AGO2: variants seen among roughly 807,000 people sequenced by gnomAD.
AGO2 encodes argonaute RISC catalytic component 2.
AGO2 carries 5 observed loss-of-function variants against 102.3 expected under a neutral mutation model. That is an observed-to-expected ratio of 0.05 (90% CI 0.03 to 0.10). The LOEUF (loss-of-function observed/expected upper bound fraction) is 0.10. Among genes scored for constraint, AGO2 ranks in the 10% least tolerant of loss-of-function variants. The pLI is 1.00. For synonymous variants in AGO2, 449 were observed against 473.1 expected (o/e 0.95, Z 0.66); for missense variants, 541 against 1,183.7 (o/e 0.46, Z 7.97).
intron 1 of AGO2, among the ~76,000 whole-genome samples, chr8:140,590,398 G>A (rs571150755): frequency 2.0e-5 from 3 of 152,146 alleles, no homozygotes; most frequent in Admixed American, 6.5e-5. Context: ...GCCCAAACAC[G>A]GACGCCGAGG....
intron 1 of AGO2, among the ~76,000 whole-genome samples, chr8:140,631,787 C>G (rs567179952): frequency 6.6e-6 from 1 of 152,104 alleles, no homozygotes; most frequent in Non-Finnish European, 1.5e-5. Context: ...GCTTTAGACA[C>G]GCATATTTAA....
At position 140,544,194 on chromosome 8, in the gene AGO2, G is replaced by A. The variant is rs2072850586; in HGVS notation, c.1839+19C>T. On this transcript the variant is annotated intron_variant, in intron 14 of 18. Coordinates refer to ENST00000220592, the MANE Select transcript of AGO2 (RefSeq NM_012154.5). Reference sequence around the variant, plus strand: ...GCATGTTGTCAATGGAAGACCCATGGGGAAGCGCTGACACTCACGGCGGCA... The same window carrying A: ...GCATGTTGTCAATGGAAGACCCATGAGGAAGCGCTGACACTCACGGCGGCA... 2 of 1,569,064 alleles carry A rather than the reference G, an allele frequency of 1.3e-6. No homozygotes were observed. The highest frequency in any genetic ancestry group is 2.4e-5 in the South Asian group (2 of 84,772).
chr8:140,610,754 C>T (rs778915171), intron 1 of AGO2, among the ~76,000 whole-genome samples: 2 of 152,174 alleles, frequency 1.3e-5, no homozygotes, highest in Non-Finnish European at 2.9e-5. Flanking sequence ...GAGCCCCTGT[C>T]CTGCCCATGG....
At chr8:140,549,484 C>T (rs771396437) in intron 11 of AGO2, among the ~76,000 whole-genome samples, 186 bp from the exon 12 acceptor site, 2 of 152,280 alleles carry the variant, frequency 1.3e-5, no homozygotes, top group Non-Finnish European at 2.9e-5. Flanking sequence ...CATACTAACT[C>T]ATGAGAAAGG....
chr8:140,548,315 A>T (rs1183870249), intron 12 of AGO2, among the ~76,000 whole-genome samples: 1 of 9,126 alleles, frequency 1.1e-4, no homozygotes, highest in African/African-American at 4.7e-4. Context: ...GCCCTTGTCT[A>T]AAAAAAAAAA....
intron 11 of AGO2, among the ~76,000 whole-genome samples, chr8:140,549,948 G>A (rs971685780): frequency 6.6e-6 from 1 of 152,170 alleles, no homozygotes; most frequent in Non-Finnish European, 1.5e-5. Context: ...TAAGGGCGAG[G>A]ACACGGCACT....
At chr8:140,565,604 G>A (rs1031203933) in intron 3 of AGO2, among the ~76,000 whole-genome samples, 1 of 150,572 alleles carries the variant, frequency 6.6e-6, no homozygotes, top group African/African-American at 2.4e-5. Flanking sequence ...CAGCACCACT[G>A]CACTCCAGCC....
intron 1 of AGO2, among the ~76,000 whole-genome samples, chr8:140,622,062 G>A (rs1174310100): frequency 1.3e-5 from 2 of 152,188 alleles, no homozygotes; most frequent in Non-Finnish European, 2.9e-5. Context: ...GATACTTGAT[G>A]ACAAAAAGAA....
chr8:140,547,223 G>A (rs914406096), intron 13 of AGO2, among the ~76,000 whole-genome samples: 1 of 152,298 alleles, frequency 6.6e-6, no homozygotes. Flanking sequence ...ACTGGGATTC[G>A]AGGCACAAAT....
chr8:140,552,614 C>T (rs2073016786), intron 10 of AGO2, among the ~76,000 whole-genome samples: 1 of 152,144 alleles, frequency 6.6e-6, no homozygotes, highest in Non-Finnish European at 1.5e-5. Flanking sequence ...ACTGCCTGTT[C>T]CCACCAGCCT....
At chr8:140,535,684 T>C in intron 16 of AGO2, 115 bp from the exon 17 acceptor site, 1 of 909,036 alleles carries the variant, frequency 1.1e-6, no homozygotes, top group Non-Finnish European at 1.8e-6. Context: ...AGTTTTTAAA[T>C]TGGCTAATAC....
chr8:140,549,383 AT>A, intron 11 of AGO2, 85 bp from the exon 12 acceptor site: 1 of 1,381,236 alleles, frequency 7.2e-7, no homozygotes, highest in Non-Finnish European at 9.7e-7. Flanking sequence ...CAAGGGCGTC[AT>A]TTTTACAAAG....
At chr8:140,613,093 G>T (rs1047051609) in intron 1 of AGO2, among the ~76,000 whole-genome samples, 1 of 151,032 alleles carries the variant, frequency 6.6e-6, no homozygotes, top group Non-Finnish European at 1.5e-5. Context: ...CCAGCTACTC[G>T]GGAGGCTGAG....
intron 17 of AGO2, 109 bp downstream of exon 17, chr8:140,535,359 G>T: frequency 8.6e-7 from 1 of 1,167,708 alleles, no homozygotes; most frequent in Non-Finnish European, 1.3e-6. Flanking sequence ...GCCTGTGTGG[G>T]CCCCTCACAC....
At position 140,539,955 on chromosome 8, in the gene AGO2, T is replaced by C. The variant is rs1388063878; in HGVS notation, c.2035-501A>G. Among the ~76,000 whole-genome samples the C allele has an allele frequency of 6.6e-6, 1 of 152,020 alleles. No homozygotes were observed. Among genetic ancestry groups the C allele is most frequent in the Non-Finnish European group, 1.5e-5 (1 of 67,994 alleles). ...TACAAAAATTAACTGGGCGTGGTGG[T>C]GGGCACCTGTCGTAATCCCAGCTAC... On this transcript the variant is annotated intron_variant, in intron 15 of 18. Coordinates refer to ENST00000220592, the MANE Select transcript of AGO2 (RefSeq NM_012154.5). The surrounding 1 kb of genome is among the most constrained non-coding windows in gnomAD (Gnocchi z 4.7).
intron 1 of AGO2, among the ~76,000 whole-genome samples, chr8:140,634,489 G>T (rs566224713): frequency 6.6e-6 from 1 of 152,254 alleles, no homozygotes; most frequent in African/African-American, 2.4e-5. Context: ...CGGCCAGGCC[G>T]GCCGAGAGAG....
chr8:140,564,519 C>T (rs1194666253), intron 3 of AGO2, among the ~76,000 whole-genome samples: 1 of 152,224 alleles, frequency 6.6e-6, no homozygotes, highest in Non-Finnish European at 1.5e-5. Flanking sequence ...CAAGCTCCTC[C>T]TTTCTCTCCT....
intron 17 of AGO2, among the ~76,000 whole-genome samples, chr8:140,534,152 G>A (rs1034052588): frequency 2.6e-5 from 4 of 152,226 alleles, no homozygotes; most frequent in African/African-American, 9.6e-5. Context: ...CTTTCCTGGC[G>A]TGTGACTGGT....
rs372636055 is a variant in AGO2 at position 140,634,704 on chromosome 8, A to T, written c.22+781T>A. On this transcript the variant is annotated intron_variant, in intron 1 of 18. Transcript: ENST00000220592. ...GAATCCACCTCGCCTCACCTCTCCT[A>T]GGAAATTGTAAAAGGAATTAGCACT... 6.6e-5 allele frequency among the ~76,000 whole-genome samples: 10 copies of T among 152,344 alleles called. No individual in the cohort carries two copies. The South Asian group carries it at 1.9e-3, about 28-fold the overall frequency.
Sources: gnomAD v4.1 joint callset for allele counts (sites outside exome capture counted in the v4.1 genomes callset) on GRCh38, gnomAD v4.1.1 for gene constraint, Gnocchi (gnomAD v3.1) non-coding constraint, MANE v1.5 for transcripts, NCBI Gene and HGNC (gene_info 2026-07-23, HGNC 2026-07-21) for gene names.